The following APOL2 variants were observed in gnomAD, a reference collection of about 807,000 sequenced individuals.
APOL2 encodes apolipoprotein L, 2.
A neutral mutation model predicts 7.1 loss-of-function variants in APOL2; 8 were observed. The observed-to-expected ratio is 1.12, with a 90% CI of 0.66 to 2.03. The LOEUF (loss-of-function observed/expected upper bound fraction) is 2.03, where lower values mean the gene tolerates loss of function less well. Ranked by LOEUF, APOL2 falls within the 30% of genes most tolerant of loss-of-function variation. APOL2 has a pLI of 0.00. For synonymous variants in APOL2, 177 were observed against 159.9 expected, an observed-to-expected ratio of 1.11 and a Z score of -0.81; for missense variants, 471 against 415.1, an observed-to-expected ratio of 1.13 and a Z score of -1.17.
Position 36,237,372 on chromosome 22 carries a change from G to A in APOL2, c.-134+2069C>T, listed in dbSNP as rs2015443273. The A allele has an allele frequency of 2.3e-6, 3 of 1,286,186 alleles. No homozygotes were observed. The African/African-American group carries it at 4.6e-5, about 20-fold the overall frequency. 79.7% of individuals were successfully genotyped at this position (1,286,186 alleles called of 1,614,324 possible). ...GGTTGTGGGGCATCCTCCTTGGGCA[G>A]GGAAAGAGGAGTCGAAATGATTTCC... On this transcript the variant is annotated intron_variant, in intron 1 of 4. Coordinates refer to ENST00000358502, the MANE Select transcript of APOL2 (RefSeq NM_030882.4).
chr22:36,229,087 G>GCA (rs1280564885), intron 4 of APOL2, among the ~76,000 whole-genome samples: 6 of 152,256 alleles, frequency 3.9e-5, no homozygotes, highest in East Asian at 1.9e-4. Context: ...GCACCACCTT[G>GCA]GCTCAGCAAG....
In APOL2 at chr22:36,227,662, T is replaced by C. The variant is rs1217117059; in HGVS notation, c.756A>G (p.Glu252=). The C allele has an allele frequency of 6.8e-6, 11 of 1,614,268 alleles. No individual in the cohort carries two copies. The South Asian group carries it at 1.2e-4, about 18-fold the overall frequency. ...PPHVIGRISA[E]GGEQVERVVE... is the part of the protein sequence containing the mutation. Reference sequence around the variant, plus strand: ...CAACCCTCTCAACCTGTTCACCGCCTTCAGCTGAGATTCGCCCAATGACAT... The same window carrying C: ...CAACCCTCTCAACCTGTTCACCGCCCTCAGCTGAGATTCGCCCAATGACAT... The change falls in exon 5 of 5, where the codon GAA becomes GAG. Residue 252 remains glutamate, a synonymous_variant. Coordinates refer to ENST00000358502, the MANE Select transcript of APOL2 (RefSeq NM_030882.4).
At chr22:36,232,577 G>C (rs1183601525) in intron 3 of APOL2, among the ~76,000 whole-genome samples, 2 of 152,218 alleles carry the variant, frequency 1.3e-5, no homozygotes, top group African/African-American at 4.8e-5. Flanking sequence ...GTACACGAGA[G>C]GGGAGGTAAG....
chr22:36,227,257 A>T lies in APOL2; in HGVS notation c.*147T>A. 1 of 969,206 alleles carries T rather than the reference A, an allele frequency of 1.0e-6. No individual in the cohort carries two copies. The highest frequency in any genetic ancestry group is 1.4e-6 in the Non-Finnish European group (1 of 696,428). The allele number at this position is 969,206 out of a possible 1,614,324, so 60.0% of individuals were successfully genotyped here. ...TGTGAACCCGGGAGGCGGAGTTTGCAGTGAGCCGAGATTGAGCCACTGCAC... is the reference window on the plus strand; with the variant it reads ...TGTGAACCCGGGAGGCGGAGTTTGCTGTGAGCCGAGATTGAGCCACTGCAC... On this transcript the variant is annotated 3_prime_UTR_variant, in exon 5 of 5. Transcript: ENST00000358502.
chr22:36,233,367 TG>T, intron 2 of APOL2, 34 bp downstream of exon 2: 1 of 1,560,498 alleles, frequency 6.4e-7, no homozygotes, highest in Non-Finnish European at 8.7e-7. Flanking sequence ...GTTTATCTCC[TG>T]GGGCCCTGCC....
chr22:36,236,312 G>A (rs1040474360), intron 1 of APOL2, among the ~76,000 whole-genome samples: 12 of 152,154 alleles, frequency 7.9e-5, no homozygotes, highest in Non-Finnish European at 1.6e-4. Context: ...AGGAGAAGGA[G>A]GATTAATATT....
chr22:36,236,617 C>A (rs370869035), intron 1 of APOL2: 2 of 985,270 alleles, frequency 2.0e-6, no homozygotes, highest in African/African-American at 1.7e-5. Context: ...GCGCACTCCC[C>A]GGCACACCCA....
At chr22:36,230,974 C>T (rs2015203620) in intron 4 of APOL2, among the ~76,000 whole-genome samples, 2 of 152,220 alleles carry the variant, frequency 1.3e-5, no homozygotes, top group Non-Finnish European at 2.9e-5. Context: ...TTAACGTTAA[C>T]TGTGCACCTA....
intron 1 of APOL2, chr22:36,237,186 C>G: frequency 2.7e-6 from 4 of 1,488,032 alleles, no homozygotes; most frequent in Non-Finnish European, 1.8e-6. Context: ...TCAGGCTTGA[C>G]TAGGACACAG....
upstream of APOL2, chr22:36,239,894 A>T: frequency 1.4e-5 from 3 of 212,594 alleles, no homozygotes; most frequent in Non-Finnish European, 1.9e-5. Flanking sequence ...CAGGTGGGGG[A>T]GAGAAGTCAG....
chr22:36,237,108 G>A, intron 1 of APOL2: 2 of 1,534,748 alleles, frequency 1.3e-6, no homozygotes, highest in Non-Finnish European at 1.8e-6. Flanking sequence ...ATCCTCCTGG[G>A]TCATTGTTGG....
chr22:36,228,877 G>A (rs1317110879), intron 4 of APOL2, among the ~76,000 whole-genome samples: 3 of 152,178 alleles, frequency 2.0e-5, no homozygotes, highest in Non-Finnish European at 4.4e-5. Context: ...GACTAAAGGT[G>A]TGAGATCTCA....
chr22:36,239,431 C>T lies in APOL2; in HGVS notation c.-134+10G>A. 1 of 1,544,024 alleles carries T rather than the reference C, an allele frequency of 6.5e-7. No individual in the cohort carries two copies. Among genetic ancestry groups the T allele is most frequent in the Middle Eastern group, 1.7e-4 (1 of 5,992 alleles). ...GGACATGGGGGTAGATCACACTATC[C>T]CCAACTTACCAAGGGATCTTCCTCT... is the stretch of plus-strand genomic sequence containing the variant. On this transcript the variant is annotated intron_variant, in intron 1 of 4. Coordinates refer to ENST00000358502, the MANE Select transcript of APOL2 (RefSeq NM_030882.4).
intron 4 of APOL2, among the ~76,000 whole-genome samples, chr22:36,228,751 C>T (rs1189221012): frequency 6.6e-6 from 1 of 152,186 alleles, no homozygotes; most frequent in Non-Finnish European, 1.5e-5. Context: ...GAATGTCCTG[C>T]CTGGTAGGAA....
At chr22:36,239,248 C>A in intron 1 of APOL2, 193 bp downstream of exon 1, 1 of 1,371,860 alleles carries the variant, frequency 7.3e-7, no homozygotes, top group East Asian at 2.7e-5. Flanking sequence ...ACAGTTTACC[C>A]GCCCAGCAGG....
chr22:36,227,317 A>ATC lies in APOL2; in HGVS notation c.*86_*87insGA. 1.6e-5 allele frequency: 1 copy of ATC among 61,846 alleles called. No homozygotes were observed. Among genetic ancestry groups the ATC allele is most frequent in the Admixed American group, 6.2e-4 (1 of 1,626 alleles). 3.8% of individuals were successfully genotyped at this position (61,846 alleles called of 1,614,324 possible). A position where few individuals can be genotyped will look rare whatever the true frequency, so the allele number is the denominator to read the frequency against. On this transcript the variant is annotated 3_prime_UTR_variant, in exon 5 of 5. Transcript: ENST00000358502. ...GGCGATAGAGCGAGACTCCATCTCAAAAAAAAAAAAAAAAAAAAAAAAAAG... is the reference window on the plus strand; with the variant it reads ...GGCGATAGAGCGAGACTCCATCTCAATCAAAAAAAAAAAAAAAAAAAAAAAAG...
chr22:36,232,291 G>A (rs2015249504), intron 3 of APOL2, among the ~76,000 whole-genome samples: 1 of 152,066 alleles, frequency 6.6e-6, no homozygotes, highest in African/African-American at 2.4e-5. Context: ...ATTTTTCTTT[G>A]ACAAGGGGTA....
At chr22:36,236,236 A>G (rs2015399735) in intron 1 of APOL2, among the ~76,000 whole-genome samples, 1 of 152,224 alleles carries the variant, frequency 6.6e-6, no homozygotes, top group Non-Finnish European at 1.5e-5. Context: ...AACTAAATAT[A>G]CTTGTTACCG....
chr22:36,231,614 G>C, intron 3 of APOL2, 148 bp from the exon 4 acceptor site: 1 of 977,588 alleles, frequency 1.0e-6, no homozygotes, highest in Non-Finnish European at 1.5e-6. Context: ...TAGAGGGATT[G>C]TGTGCCCCCA....
Sources: gnomAD v4.1 joint callset for allele counts (sites outside exome capture counted in the v4.1 genomes callset) on GRCh38, gnomAD v4.1.1 for gene constraint, MANE v1.5 for transcripts, NCBI Gene and HGNC (gene_info 2026-07-23, HGNC 2026-07-21) for gene names.